Variants in GALNT3 observed in about 807,000 individuals in gnomAD.
GALNT3 encodes GalNAc transferase 3.
A neutral mutation model predicts 69.8 loss-of-function variants in GALNT3; 51 were observed. That is an observed-to-expected ratio of 0.73 (90% CI 0.58 to 0.92). The LOEUF (loss-of-function observed/expected upper bound fraction) is 0.92. Among genes scored for constraint, GALNT3 ranks in the 40% least tolerant of loss-of-function variants. The pLI, the probability that GALNT3 is intolerant of heterozygous loss-of-function variation, is 0.00. For synonymous variants in GALNT3, 265 were observed against 248.5 expected (o/e 1.07, Z -0.63); for missense variants, 711 against 760.0 (o/e 0.94, Z 0.76).
rs540438658 is a variant in GALNT3 at position 165,749,614 on chromosome 2, A to C, written c.1779+128T>G. The C allele has an allele frequency of 7.7e-5, 67 of 873,524 alleles. No individual in the cohort carries two copies. In the African/African-American group the frequency reaches 1.0e-3, roughly 14 times the overall value. 54.1% of individuals were successfully genotyped at this position (873,524 alleles called of 1,614,324 possible). ...ATCACATGGGTAGAAACACATAATA[A>C]CAAAGTTAATAAAGGGAGAGAAATT... is the stretch of plus-strand genomic sequence containing the variant. On this transcript the variant is annotated intron_variant, in intron 10 of 10. Coordinates refer to ENST00000392701, the MANE Select transcript of GALNT3 (RefSeq NM_004482.4).
intron 1 of GALNT3, among the ~76,000 whole-genome samples, chr2:165,778,215 A>C (rs1194575580): frequency 6.6e-6 from 1 of 152,220 alleles, no homozygotes; most frequent in African/African-American, 2.4e-5. Flanking sequence ...TTTACATTAC[A>C]TATGAAAGAT....
intron 3 of GALNT3, 132 bp from the exon 4 acceptor site, chr2:165,762,186 C>A (rs986703731): frequency 1.9e-5 from 14 of 731,804 alleles, no homozygotes; most frequent in Non-Finnish European, 3.1e-5. Context: ...GTCCTTCCAG[C>A]AAAATGAAAA....
At chr2:165,793,735 C>G (rs1483033484) in intron 1 of GALNT3, 1 of 152,376 alleles carries the variant, frequency 6.6e-6, no homozygotes, top group African/African-American at 2.4e-5. Flanking sequence ...CTTTGGTCTC[C>G]GTCCAGCTCC....
In GALNT3 at chr2:165,759,339, A is replaced by G; in HGVS notation, c.1070T>C (p.Ile357Thr). 1 of 1,602,444 alleles carries G rather than the reference A, an allele frequency of 6.2e-7. No homozygotes were observed. The highest frequency in any genetic ancestry group is 8.5e-7 in the Non-Finnish European group (1 of 1,171,572). ...ACTCTGAGAGCAATCATCTTACTTA[A>G]TTGGGTAGGTTTCATCTTTCCTTCT... ...KQRRKDETYP[I>T]KTPTFAGGLF... The change falls in exon 5 of 11, where the codon ATT becomes ACT. Residue 357 changes from isoleucine to threonine, a missense_variant. Transcript: ENST00000392701.
At chr2:165,770,140 C>A in intron 2 of GALNT3, 46 bp downstream of exon 2, 1 of 1,612,008 alleles carries the variant, frequency 6.2e-7, no homozygotes. Flanking sequence ...CTCTCCCCTG[C>A]AAAGCCTGGT....
intron 3 of GALNT3, among the ~76,000 whole-genome samples, chr2:165,762,396 A>G (rs1389172223): frequency 6.6e-6 from 1 of 152,238 alleles, no homozygotes; most frequent in Non-Finnish European, 1.5e-5. Flanking sequence ...AAGACTGACT[A>G]CAAGAGTGAA....
chr2:165,749,816 C>A lies in GALNT3; in HGVS notation c.1705G>T (p.Val569Phe). The A allele has an allele frequency of 6.2e-7, 1 of 1,613,564 alleles. No individual in the cohort carries two copies. Residue 569 changes from valine to phenylalanine, a missense_variant, in exon 10 of 11, where the codon GTT becomes TTT. Coordinates refer to ENST00000392701, the MANE Select transcript of GALNT3 (RefSeq NM_004482.4). ...ELCLHAAQGL[V>F]QLKACTYKGH... ...TTGTAGGTACATGCCTTCAGCTGAACGAGACCTTGAGCAGCATGAAGACAT... is the reference window on the plus strand; with the variant it reads ...TTGTAGGTACATGCCTTCAGCTGAAAGAGACCTTGAGCAGCATGAAGACAT...
intron 1 of GALNT3, among the ~76,000 whole-genome samples, chr2:165,778,135 T>C (rs1055526471): frequency 6.6e-6 from 1 of 152,210 alleles, no homozygotes; most frequent in Non-Finnish European, 1.5e-5. Flanking sequence ...TACTACATTA[T>C]CTGTCAAGGG....
rs1288637788 is a variant in GALNT3, at chr2:165,757,143, A to C, written c.1296T>G (p.Ile432Met). 1 of 1,613,998 alleles carries C rather than the reference A, an allele frequency of 6.2e-7. No individual in the cohort carries two copies. Among genetic ancestry groups the C allele is most frequent in the South Asian group, 1.1e-5 (1 of 91,086 alleles). ...CTGCAAGGCGAACTTGGTTTCTAGC[A>C]ATCACCTGAGTGCCTTTTGGAAAGC... is the stretch of plus-strand genomic sequence containing the variant. ...PHSFPKGTQV[I>M]ARNQVRLAEV... The change falls in exon 7 of 11, where the codon ATT (isoleucine) becomes ATG (methionine). Residue 432 changes from isoleucine (I) to methionine (M), a missense_variant. Physicochemically the swap from Ile to Met is conservative, Grantham distance 10. Transcript: ENST00000392701.
chr2:165,755,479 A>G (rs1485646883), intron 7 of GALNT3, among the ~76,000 whole-genome samples: 1 of 152,194 alleles, frequency 6.6e-6, no homozygotes, highest in African/African-American at 2.4e-5. Context: ...CCAATACACA[A>G]TGCAACTTCT....
At chr2:165,777,349 T>C (rs1013866219) in intron 1 of GALNT3, among the ~76,000 whole-genome samples, 3 of 152,212 alleles carry the variant, frequency 2.0e-5, no homozygotes, top group African/African-American at 7.2e-5. Context: ...AGTACACTAT[T>C]GTGAATTATT....
rs780955506 is a variant in GALNT3 at position 165,770,623 on chromosome 2, T to C, written c.78A>G (p.Val26=). Residue 26 remains valine (V), a synonymous_variant, in exon 2 of 11, where the codon GTA becomes GTG. Transcript: ENST00000392701. Reference sequence around the variant, plus strand: ...CCAAAACTATTATAAAGAAAAAAATTACTGCACCAAGCTTCCAGAACTTTT... The same window carrying C: ...CCAAAACTATTATAAAGAAAAAAATCACTGCACCAAGCTTCCAGAACTTTT... ...YHKKFWKLGA[V]IFFFIIVLVL... 1 of 1,602,052 alleles carries C rather than the reference T, an allele frequency of 6.2e-7. No homozygotes were observed. Among genetic ancestry groups the C allele is most frequent in the South Asian group, 1.1e-5 (1 of 88,024 alleles).
chr2:165,768,039 A>G (rs1478148000), intron 2 of GALNT3, among the ~76,000 whole-genome samples: 1 of 151,910 alleles, frequency 6.6e-6, no homozygotes, highest in Non-Finnish European at 1.5e-5. Context: ...ATGCCCACCT[A>G]ATTTATGTAT....
intron 1 of GALNT3, chr2:165,771,393 A>C (rs534340975): frequency 6.6e-6 from 1 of 152,326 alleles, no homozygotes; most frequent in Admixed American, 6.5e-5. Flanking sequence ...CCTAAAAACA[A>C]GAAAATCAAC....
intron 9 of GALNT3, among the ~76,000 whole-genome samples, chr2:165,753,454 G>C (rs1227022423): frequency 6.6e-6 from 1 of 150,954 alleles, no homozygotes; most frequent in Non-Finnish European, 1.5e-5. Flanking sequence ...AAAATGTGTG[G>C]ACACCCAGTC....
chr2:165,758,912 T>C (rs771585080), intron 5 of GALNT3, 48 bp from the exon 6 acceptor site: 25 of 1,113,618 alleles, frequency 2.2e-5, no homozygotes, highest in Non-Finnish European at 2.9e-5. Flanking sequence ...CTAAACAAGA[T>C]AAAACAGCAT....
chr2:165,777,595 T>G (rs752944429), intron 1 of GALNT3, among the ~76,000 whole-genome samples: 1 of 152,174 alleles, frequency 6.6e-6, no homozygotes, highest in Non-Finnish European at 1.5e-5. Flanking sequence ...TCTCATGGTG[T>G]TTTGCTGCTG....
intron 1 of GALNT3, among the ~76,000 whole-genome samples, chr2:165,787,204 C>G (rs1279562879): frequency 2.0e-5 from 3 of 152,214 alleles, no homozygotes; most frequent in African/African-American, 4.8e-5. Flanking sequence ...AGTGGGAGCT[C>G]AAACTGGAAT....
At chr2:165,752,208 C>T (rs1370763884) in intron 9 of GALNT3, among the ~76,000 whole-genome samples, 1 of 152,118 alleles carries the variant, frequency 6.6e-6, no homozygotes, top group Non-Finnish European at 1.5e-5. Flanking sequence ...TCTGGGCCTC[C>T]ACTCTTGGAA....
Sources: gnomAD v4.1 joint callset for allele counts (sites outside exome capture counted in the v4.1 genomes callset) on GRCh38, gnomAD v4.1.1 for gene constraint, MANE v1.5 for transcripts, NCBI Gene and HGNC (gene_info 2026-07-23, HGNC 2026-07-21) for gene names.